CADPS: variants seen among roughly 807,000 people sequenced by gnomAD.
CADPS encodes calcium-dependent secretion activator 1.
Under a neutral mutation model 167.3 loss-of-function variants are expected in CADPS, and 57 were observed. The observed-to-expected ratio is 0.34, with a 90% CI of 0.28 to 0.42. The LOEUF (loss-of-function observed/expected upper bound fraction) is 0.42. CADPS is among the 20% of genes least tolerant of loss of function. The pLI, the probability that CADPS is intolerant of heterozygous loss-of-function variation, is 1.00. For missense variants in CADPS, 1,414 were observed against 1,738.1 expected, an observed-to-expected ratio of 0.81 and a Z score of 3.32; for synonymous variants, 676 against 635.3, an observed-to-expected ratio of 1.06 and a Z score of -0.96.
At chr3:62,522,061 T>C (rs1244341558) in intron 13 of CADPS, among the ~76,000 whole-genome samples, 1 of 152,166 alleles carries the variant, frequency 6.6e-6, no homozygotes, top group Admixed American at 6.5e-5. Flanking sequence ...ATCTTGTCTG[T>C]TTCTTAGAAT....
chr3:62,700,318 T>C lies in CADPS; in HGVS notation c.889-37924A>G, dbSNP rs117755127. 3.3e-3 allele frequency among the ~76,000 whole-genome samples: 500 copies of C among 152,192 alleles called. 5 individuals are homozygous for C. The highest frequency in any genetic ancestry group is 0.032 in the East Asian group (164 of 5,152). ...GATTGTAATTCTTCAGCAGAAGTGA[T>C]GGTTTGTGACACTGAAAACTTGGTC... On this transcript the variant is annotated intron_variant, in intron 3 of 29. Transcript: ENST00000383710.
intron 1 of CADPS, among the ~76,000 whole-genome samples, chr3:62,860,586 C>A (rs1218427969): frequency 6.6e-6 from 1 of 152,122 alleles, no homozygotes; most frequent in Non-Finnish European, 1.5e-5. Context: ...ACAGTTCAAA[C>A]CCACGTTGGT....
chr3:62,614,338 A>G (rs2061940362), intron 6 of CADPS, among the ~76,000 whole-genome samples: 1 of 152,190 alleles, frequency 6.6e-6, no homozygotes, highest in African/African-American at 2.4e-5. Context: ...CTTATGTTCA[A>G]GTCCCACTCT....
chr3:62,446,724 T>G lies in CADPS; in HGVS notation c.3637-927A>C, dbSNP rs552420564. Among the ~76,000 whole-genome samples the G allele has an allele frequency of 6.2e-4, 94 of 152,294 alleles. No individual in the cohort carries two copies. Among genetic ancestry groups the G allele is most frequent in the African/African-American group, 1.8e-3 (73 of 41,556 alleles). Reference sequence around the variant, plus strand: ...GTACTGTGAAAAGTCAATGAACAGCTGGGTTTGAGAAATAAAGCCTATGGG... The same window carrying G: ...GTACTGTGAAAAGTCAATGAACAGCGGGGTTTGAGAAATAAAGCCTATGGG... On this transcript the variant is annotated intron_variant, in intron 26 of 29. Coordinates refer to ENST00000383710, the MANE Select transcript of CADPS (RefSeq NM_003716.4). The surrounding 1 kb of genome is among the most constrained non-coding windows in gnomAD (Gnocchi z 4.9).
chr3:62,441,769 A>G (rs1313741282), intron 27 of CADPS, among the ~76,000 whole-genome samples: 1 of 152,162 alleles, frequency 6.6e-6, no homozygotes, highest in East Asian at 1.9e-4. Context: ...GGGAGCTTTA[A>G]AAATACTGAT....
intron 6 of CADPS, among the ~76,000 whole-genome samples, chr3:62,609,332 A>T (rs1418385444): frequency 6.6e-6 from 1 of 151,678 alleles, no homozygotes; most frequent in Admixed American, 6.6e-5. Flanking sequence ...AGTTAAGTCC[A>T]TGTGGAGCCT....
chr3:62,572,288 T>G (rs1193081546), intron 8 of CADPS, among the ~76,000 whole-genome samples: 3 of 152,178 alleles, frequency 2.0e-5, no homozygotes, highest in Non-Finnish European at 4.4e-5. Flanking sequence ...AGTCGCCAAG[T>G]GCAGTTGAGT....
At chr3:62,617,152 A>G (rs1465080219) in intron 6 of CADPS, among the ~76,000 whole-genome samples, 1 of 152,156 alleles carries the variant, frequency 6.6e-6, no homozygotes, top group Non-Finnish European at 1.5e-5. Context: ...CTGAACAGTT[A>G]GAGAGCTACA....
intron 2 of CADPS, among the ~76,000 whole-genome samples, chr3:62,755,523 A>C (rs576807532): frequency 1.3e-5 from 2 of 152,314 alleles, no homozygotes; most frequent in East Asian, 3.9e-4. Flanking sequence ...CAGGAAATGC[A>C]CTTGTTGGCC....
In CADPS at chr3:62,602,184, T is replaced by C. The variant is rs2060068206; in HGVS notation, c.1326-9436A>G. On this transcript the variant is annotated intron_variant, in intron 6 of 29. Coordinates refer to ENST00000383710, the MANE Select transcript of CADPS (RefSeq NM_003716.4). This position sits in a 1 kb window ranked among gnomAD's most constrained non-coding sequence, Gnocchi z 4.4. ...CAACAGAGTGATATTTACGAATGCA[T>C]ATGTGAGTAAGCCAAGAACACATCT... 6.7e-6 allele frequency among the ~76,000 whole-genome samples: 1 copy of C among 148,430 alleles called. No homozygotes were observed. The highest frequency in any genetic ancestry group is 2.5e-5 in the African/African-American group (1 of 40,154).
In CADPS at chr3:62,824,940, T is replaced by A. The variant is rs375030580; in HGVS notation, c.441+49649A>T. Among the ~76,000 whole-genome samples the A allele has an allele frequency of 2.0e-5, 3 of 152,134 alleles. No homozygotes were observed. In the East Asian group the frequency reaches 5.8e-4, roughly 29 times the overall value. ...TGGTTAAAATATTACGTGTCAGAGA[T>A]GAAGTCAGCTTTACATACCAACACA... On this transcript the variant is annotated intron_variant, in intron 1 of 29. Coordinates refer to ENST00000383710, the MANE Select transcript of CADPS (RefSeq NM_003716.4).
intron 1 of CADPS, among the ~76,000 whole-genome samples, chr3:62,861,926 C>T (rs975758292): frequency 4.4e-4 from 67 of 152,154 alleles, no homozygotes; most frequent in African/African-American, 1.6e-3. Flanking sequence ...ATGTATCACA[C>T]TGCTATCACT....
chr3:62,687,308 G>T (rs1004044932), intron 3 of CADPS, among the ~76,000 whole-genome samples: 1 of 152,040 alleles, frequency 6.6e-6, no homozygotes, highest in Non-Finnish European at 1.5e-5. Flanking sequence ...TCAGATCATA[G>T]GTTTGTAAGT....
intron 3 of CADPS, among the ~76,000 whole-genome samples, chr3:62,664,249 G>A (rs573116850): frequency 5.2e-4 from 79 of 152,230 alleles, no homozygotes; most frequent in Non-Finnish European, 8.5e-4. Context: ...CTCGTGATAC[G>A]CCTGCCTTGG....
intron 3 of CADPS, among the ~76,000 whole-genome samples, chr3:62,715,619 T>C (rs977735336): frequency 1.3e-5 from 2 of 151,396 alleles, no homozygotes; most frequent in Admixed American, 1.3e-4. Flanking sequence ...TTTCCCTTAG[T>C]TATTTAAAAT....
intron 1 of CADPS, among the ~76,000 whole-genome samples, chr3:62,820,471 T>A (rs1253012992): frequency 6.6e-6 from 1 of 152,178 alleles, no homozygotes; most frequent in Non-Finnish European, 1.5e-5. Flanking sequence ...CTATATTTTA[T>A]CCTTCAGAGC....
intron 11 of CADPS, among the ~76,000 whole-genome samples, chr3:62,536,861 A>G (rs939730649): frequency 3.9e-5 from 6 of 152,210 alleles, no homozygotes; most frequent in African/African-American, 1.2e-4. Flanking sequence ...AAAACTAAGC[A>G]TAAGACCGTA....
At chr3:62,713,612 G>C (rs2083834473) in intron 3 of CADPS, among the ~76,000 whole-genome samples, 2 of 152,244 alleles carry the variant, frequency 1.3e-5, no homozygotes, top group Admixed American at 1.3e-4. Flanking sequence ...GCCCTGCTCT[G>C]CTGCTGCTGT....
intron 6 of CADPS, among the ~76,000 whole-genome samples, chr3:62,604,566 G>T (rs145370636): frequency 6.6e-6 from 1 of 152,332 alleles, no homozygotes; most frequent in East Asian, 1.9e-4. Flanking sequence ...CATTTTCCAA[G>T]GTTGGAGCTA....
Sources: allele counts gnomAD v4.1 joint callset (sites outside exome capture counted in the v4.1 genomes callset), GRCh38; gene constraint gnomAD v4.1.1; non-coding constraint Gnocchi (gnomAD v3.1); transcripts MANE v1.5; gene names NCBI Gene and HGNC (gene_info 2026-07-23, HGNC 2026-07-21).